Variants in CHODL observed in about 807,000 individuals in gnomAD.
CHODL encodes transmembrane protein MT75.
In CHODL, 29 loss-of-function variants were observed where a neutral mutation model predicts 34.5. That is an observed-to-expected ratio of 0.84 (90% CI 0.63 to 1.15). The LOEUF is 1.15. Among genes scored for constraint, CHODL ranks in the 50% most tolerant of loss-of-function variants. The probability of loss-of-function intolerance (pLI) is 0.00; values close to 1 mark genes in which losing one functional copy is unlikely to be tolerated. For synonymous variants in CHODL, 125 were observed against 116.1 expected (o/e 1.08, Z -0.49); for missense variants, 332 against 332.5 (o/e 1.00, Z 0.01).
intron 1 of CHODL, among the ~76,000 whole-genome samples, chr21:17,978,024 G>T (rs1187082824): frequency 6.6e-6 from 1 of 151,694 alleles, no homozygotes; most frequent in Non-Finnish European, 1.5e-5. Context: ...TAATAAATTA[G>T]CCCAAACAGT....
intron 1 of CHODL, among the ~76,000 whole-genome samples, chr21:17,998,291 C>T (rs2063870936): frequency 6.6e-6 from 1 of 152,202 alleles, no homozygotes; most frequent in Non-Finnish European, 1.5e-5. Flanking sequence ...GCAGCTCCAC[C>T]CCTGTGGCTT....
chr21:18,100,104 T>G (rs1039749269), intron 2 of CHODL: 1 of 151,988 alleles, frequency 6.6e-6, no homozygotes, highest in African/African-American at 2.4e-5. Flanking sequence ...ATAAATAAGT[T>G]ACATAAGAGA....
intron 2 of CHODL, among the ~76,000 whole-genome samples, chr21:18,176,714 T>A (rs138436822): frequency 5.9e-4 from 90 of 152,282 alleles, no homozygotes; most frequent in African/African-American, 2.0e-3. Flanking sequence ...CAAGGATAAG[T>A]AGATTCAACT....
chr21:18,199,623 C>T (rs749656299), intron 2 of CHODL, among the ~76,000 whole-genome samples: 1 of 152,100 alleles, frequency 6.6e-6, no homozygotes, highest in Non-Finnish European at 1.5e-5. Context: ...TATCCATCCT[C>T]TCCTATCCTA....
At chr21:17,927,127 T>C (rs1205867292) in intron 1 of CHODL, among the ~76,000 whole-genome samples, 1 of 106,404 alleles carries the variant, frequency 9.4e-6, no homozygotes, top group East Asian at 2.7e-4. Flanking sequence ...TATATATGTA[T>C]ATATATGTAT....
At chr21:18,174,131 A>ATATATATATATATCTTGG (rs2073268271) in intron 2 of CHODL, among the ~76,000 whole-genome samples, 4 of 13,330 alleles carry the variant, frequency 3.0e-4, no homozygotes, top group Non-Finnish European at 2.8e-3. Flanking sequence ...GTGTATATAT[A>ATATATATATATATCTTGG]TATATATATA....
At chr21:18,240,791 T>G (rs148358734), upstream of CHODL, among the ~76,000 whole-genome samples, 585 of 152,294 alleles carry the variant, frequency 3.8e-3, 3 homozygotes, top group Non-Finnish European at 6.3e-3. Flanking sequence ...TTTATATGAT[T>G]CTTTAGATCT....
chr21:17,942,048 TGGGGG>T (rs893489989), intron 1 of CHODL, among the ~76,000 whole-genome samples: 38 of 152,224 alleles, frequency 2.5e-4, no homozygotes, highest in Non-Finnish European at 4.4e-4. Flanking sequence ...ATATACATTT[TGGGGG>T]GAATACAAAC....
chr21:17,993,677 T>C (rs940498501), intron 1 of CHODL, among the ~76,000 whole-genome samples: 79 of 152,354 alleles, frequency 5.2e-4, no homozygotes, highest in African/African-American at 1.9e-3. Flanking sequence ...ACAATGAACA[T>C]ACGTGTGCAT....
chr21:18,253,902 T>C (rs917127829), intron 1 of CHODL, among the ~76,000 whole-genome samples: 2 of 152,292 alleles, frequency 1.3e-5, no homozygotes, highest in South Asian at 4.1e-4. Context: ...AACTCTTGGC[T>C]TGCTTGCATT....
rs2063463108 is a variant in CHODL, at chr21:17,952,190, GTC to G, written c.-145+34793_-145+34794del. On this transcript the variant is annotated intron_variant, in intron 1 of 6. Transcript: ENST00000400127. ...CCATGATTGTGCAGAGCAATACTAT[GTC>G]TCAAAAAAAAAAAAAAAAAAAAAGA... Among the ~76,000 whole-genome samples, 34 of 22,060 alleles carry G rather than the reference GTC, an allele frequency of 1.5e-3. 1 individual carries two copies. The South Asian group carries it at 0.04, about 26-fold the overall frequency. The allele number at this position is 22,060 out of a possible 152,430, so 14.5% of individuals were successfully genotyped here. A position where few individuals can be genotyped will look rare whatever the true frequency, so the allele number is the denominator to read the frequency against.
At chr21:18,031,635 A>T (rs1050606495) in intron 2 of CHODL, among the ~76,000 whole-genome samples, 7 of 152,096 alleles carry the variant, frequency 4.6e-5, no homozygotes, top group Admixed American at 3.9e-4. Context: ...CTACAGGTAT[A>T]ACTGGTTCCT....
At chr21:18,136,350 T>G (rs1735283) in intron 2 of CHODL, among the ~76,000 whole-genome samples, 12,039 of 152,134 alleles carry the variant, frequency 0.079, 1,519 homozygotes, top group African/African-American at 0.27. Context: ...CTCATGTTTT[T>G]CTCAAAATCA....
intron 2 of CHODL, among the ~76,000 whole-genome samples, chr21:18,140,626 GA>G (rs1205493239): frequency 1.3e-5 from 2 of 152,106 alleles, no homozygotes; most frequent in East Asian, 1.9e-4. Context: ...CAGAAAGCTG[GA>G]AAAAAATAGA....
chr21:18,050,644 C>T (rs967195365), intron 2 of CHODL, among the ~76,000 whole-genome samples: 1 of 151,894 alleles, frequency 6.6e-6, no homozygotes, highest in Non-Finnish European at 1.5e-5. Flanking sequence ...GGTTTGAACA[C>T]CTGAGATGTT....
intron 1 of CHODL, among the ~76,000 whole-genome samples, chr21:18,009,584 T>C (rs2063992240): frequency 6.6e-6 from 1 of 152,276 alleles, no homozygotes; most frequent in Admixed American, 6.5e-5. Context: ...TACAACCTAA[T>C]TGAAATTAAC....
intron 2 of CHODL, among the ~76,000 whole-genome samples, chr21:18,033,913 A>C (rs964377220): frequency 1.3e-5 from 2 of 152,062 alleles, no homozygotes; most frequent in African/African-American, 2.4e-5. Flanking sequence ...ATTCTCACAA[A>C]AATACTTTAA....
intron 2 of CHODL, among the ~76,000 whole-genome samples, chr21:18,181,189 A>G (rs1192945140): frequency 6.6e-6 from 1 of 152,236 alleles, no homozygotes; most frequent in African/African-American, 2.4e-5. Context: ...ACCTGGCACA[A>G]ATGAATTGTG....
chr21:18,195,381 C>T lies in CHODL; in HGVS notation c.-44-61128C>T, dbSNP rs112679629. On this transcript the variant is annotated intron_variant, in intron 2 of 6. Transcript: ENST00000400127. ...ATGCATTATTATTAACTATAGTCAC[C>T]ATGCTATATAGTAGATCTCCTGAAC... Among the ~76,000 whole-genome samples the T allele has an allele frequency of 2.7e-4, 41 of 152,234 alleles. 1 individual carries two copies. The highest frequency in any genetic ancestry group is 7.9e-4 in the African/African-American group (33 of 41,554).
Sources: allele counts gnomAD v4.1 joint callset (sites outside exome capture counted in the v4.1 genomes callset), GRCh38; gene constraint gnomAD v4.1.1; transcripts MANE v1.5; gene names NCBI Gene and HGNC (gene_info 2026-07-23, HGNC 2026-07-21).